MTUS2: variants seen among roughly 807,000 people sequenced by gnomAD.
The protein encoded by MTUS2 is microtubule-associated tumor suppressor candidate 2.
A neutral mutation model predicts 114.1 loss-of-function variants in MTUS2; 40 were observed. That is an observed-to-expected ratio of 0.35 (90% CI 0.27 to 0.46). The LOEUF is 0.46. Among genes scored for constraint, MTUS2 ranks in the 20% least tolerant of loss-of-function variants. The probability of loss-of-function intolerance (pLI) is 1.00; values close to 1 mark genes in which losing one functional copy is unlikely to be tolerated. For missense variants in MTUS2, 1,679 were observed against 1,705.4 expected (o/e 0.98, Z 0.27); for synonymous variants, 688 against 672.0 (o/e 1.02, Z -0.37).
intron 2 of MTUS2, among the ~76,000 whole-genome samples, chr13:28,922,601 G>A (rs186376212): frequency 6.6e-6 from 1 of 152,240 alleles, no homozygotes; most frequent in Admixed American, 6.5e-5. Flanking sequence ...TTTCTGCTGT[G>A]ACAGAGAAGC....
At chr13:29,256,667 G>C (rs1269525998) in intron 5 of MTUS2, among the ~76,000 whole-genome samples, 2 of 152,244 alleles carry the variant, frequency 1.3e-5, no homozygotes, top group Admixed American at 1.3e-4. Context: ...TAATGTTTGA[G>C]AGTGTTTGCC....
Position 28,821,006 on chromosome 13 carries a change from AT to A in MTUS2, c.-316+406del, listed in dbSNP as rs1283941697. On this transcript the variant is annotated intron_variant, in intron 1 of 15. Transcript: ENST00000612955. ...AGCAGTGAAGCGGCTTGCTACATCC[AT>A]TTTTTTTTTTCATTCTGTGCCTGTG... 2.8e-3 allele frequency among the ~76,000 whole-genome samples: 404 copies of A among 145,686 alleles called. 1 individual carries two copies. Among genetic ancestry groups the A allele is most frequent in the Middle Eastern group, 0.014 (4 of 280 alleles).
intron 5 of MTUS2, among the ~76,000 whole-genome samples, chr13:29,174,293 T>C (rs1428891840): frequency 6.6e-6 from 1 of 152,164 alleles, no homozygotes; most frequent in Non-Finnish European, 1.5e-5. Flanking sequence ...AAGAAACCAA[T>C]TTCCTGACCA....
chr13:28,898,485 A>G (rs1357844968), intron 2 of MTUS2, among the ~76,000 whole-genome samples: 1 of 152,224 alleles, frequency 6.6e-6, no homozygotes, highest in African/African-American at 2.4e-5. Context: ...ATCACACCGA[A>G]GATAGCATTA....
At chr13:29,132,505 C>T (rs76270878) in intron 5 of MTUS2, among the ~76,000 whole-genome samples, 6,049 of 152,260 alleles carry the variant, frequency 0.04, 279 homozygotes, top group East Asian at 0.16. Context: ...AACAACAACT[C>T]TGCATTTCCC....
chr13:29,365,921 A>C (rs922223983), intron 8 of MTUS2, among the ~76,000 whole-genome samples: 1 of 152,230 alleles, frequency 6.6e-6, no homozygotes, highest in Non-Finnish European at 1.5e-5. Flanking sequence ...ATGACTCTCT[A>C]ACAAGAGGAG....
chr13:29,159,147 TTA>T (rs1308748011), intron 5 of MTUS2, among the ~76,000 whole-genome samples: 1 of 152,222 alleles, frequency 6.6e-6, no homozygotes, highest in African/African-American at 2.4e-5. Context: ...TTAAAAAAGT[TTA>T]TATATACATG....
chr13:29,345,921 AT>A, intron 7 of MTUS2, among the ~76,000 whole-genome samples: 1 of 151,744 alleles, frequency 6.6e-6, no homozygotes, highest in African/African-American at 2.4e-5. Context: ...TTATTGTTAT[AT>A]TTTTTCTGGG....
At chr13:29,128,585 G>T (rs1009783530) in intron 5 of MTUS2, among the ~76,000 whole-genome samples, 3 of 152,162 alleles carry the variant, frequency 2.0e-5, no homozygotes, top group Non-Finnish European at 4.4e-5. Flanking sequence ...TAAAGAACTG[G>T]CAATCTTTAC....
intron 9 of MTUS2, chr13:29,476,478 T>A (rs1177958161): frequency 6.6e-6 from 1 of 152,240 alleles, no homozygotes; most frequent in Non-Finnish European, 1.5e-5. Context: ...TGAGATATAT[T>A]CCATGTTATG....
Position 29,246,731 on chromosome 13 carries a change from A to G in MTUS2, c.2645-34973A>G, listed in dbSNP as rs112525794. Among the ~76,000 whole-genome samples, 584 of 152,310 alleles carry G rather than the reference A, an allele frequency of 3.8e-3. 4 individuals carry two copies. Among genetic ancestry groups the G allele is most frequent in the African/African-American group, 0.014 (572 of 41,570 alleles). On this transcript the variant is annotated intron_variant, in intron 5 of 15. Coordinates refer to ENST00000612955, the MANE Select transcript of MTUS2 (RefSeq NM_001033602.4). ...TTTAGCCCTCCACAAGGAAAACTAC[A>G]AGATGCTGTCAAAAGAAATAACGGA...
rs540109631 is a variant in MTUS2, at chr13:29,129,325, T to A, written c.2644+28355T>A. ...GGGCCAGAGTCCAGATTCTGTATGC[T>A]GGTCTTTTTTTCATAATTGCATTTA... is the stretch of plus-strand genomic sequence containing the variant. On this transcript the variant is annotated intron_variant, in intron 5 of 15. Transcript: ENST00000612955. 3.3e-4 allele frequency among the ~76,000 whole-genome samples: 51 copies of A among 152,246 alleles called. No individual in the cohort carries two copies. In the South Asian group the frequency reaches 0.011, roughly 32 times the overall value.
At chr13:29,373,877 G>C (rs1871375341) in intron 8 of MTUS2, among the ~76,000 whole-genome samples, 1 of 152,186 alleles carries the variant, frequency 6.6e-6, no homozygotes, top group African/African-American at 2.4e-5. Flanking sequence ...TATGGGAAAA[G>C]CTAATCAACA....
chr13:29,418,794 G>A lies in MTUS2; in HGVS notation c.3118-21189G>A, dbSNP rs144987276. ...TTCTCACAGTTGTGGTGAAATGTCC[G>A]CGTTCTAGACCCTCCCCGTGTGGGT... On this transcript the variant is annotated intron_variant, in intron 8 of 15. Coordinates refer to ENST00000612955, the MANE Select transcript of MTUS2 (RefSeq NM_001033602.4). Among the ~76,000 whole-genome samples the A allele has an allele frequency of 5.2e-3, 798 of 152,248 alleles. 2 individuals carry two copies. Among genetic ancestry groups the A allele is most frequent in the African/African-American group, 0.014 (568 of 41,546 alleles).
chr13:28,971,626 G>A (rs1478828321), intron 2 of MTUS2, among the ~76,000 whole-genome samples: 1 of 152,204 alleles, frequency 6.6e-6, no homozygotes, highest in African/African-American at 2.4e-5. Context: ...ATAATGGGGT[G>A]CAGACATTAC....
intron 6 of MTUS2, among the ~76,000 whole-genome samples, chr13:29,292,805 TAGAAG>T (rs1898772701): frequency 6.6e-6 from 1 of 152,062 alleles, no homozygotes; most frequent in South Asian, 2.1e-4. Flanking sequence ...ATCTGAGTAA[TAGAAG>T]AGAGAAGCAT....
At chr13:28,830,163 C>A (rs1398971982) in intron 1 of MTUS2, among the ~76,000 whole-genome samples, 3 of 152,092 alleles carry the variant, frequency 2.0e-5, no homozygotes, top group African/African-American at 7.2e-5. Context: ...ATAGTAGCAA[C>A]AAATATAACA....
intron 5 of MTUS2, among the ~76,000 whole-genome samples, chr13:29,182,075 G>A (rs1441385596): frequency 6.6e-6 from 1 of 152,066 alleles, no homozygotes; most frequent in Admixed American, 6.5e-5. Context: ...CCCCTCCCTG[G>A]TGGCTACTGT....
intron 8 of MTUS2, among the ~76,000 whole-genome samples, chr13:29,390,711 G>A: frequency 6.6e-6 from 1 of 151,644 alleles, no homozygotes; most frequent in East Asian, 1.9e-4. Flanking sequence ...GGTAAAATCG[G>A]TGTTGGTTTA....
Sources: gnomAD v4.1 joint callset for allele counts (sites outside exome capture counted in the v4.1 genomes callset) on GRCh38, gnomAD v4.1.1 for gene constraint, MANE v1.5 for transcripts, NCBI Gene and HGNC (gene_info 2026-07-23, HGNC 2026-07-21) for gene names.